The following LRP1 variants were observed in gnomAD, a reference collection of about 807,000 sequenced individuals.
The protein encoded by LRP1 is prolow-density lipoprotein receptor-related protein 1.
Under a neutral mutation model 541.5 loss-of-function variants are expected in LRP1, and 51 were observed. The observed-to-expected ratio is 0.09, with a 90% CI of 0.08 to 0.12. The LOEUF (loss-of-function observed/expected upper bound fraction) is 0.12. Ranked by LOEUF, LRP1 falls within the 10% of genes least tolerant of loss-of-function variation. The pLI, the probability that LRP1 is intolerant of heterozygous loss-of-function variation, is 1.00. For missense variants in LRP1, 3,878 were observed against 6,376.2 expected, an observed-to-expected ratio of 0.61 and a Z score of 13.34; for synonymous variants, 2,219 against 2,470.8, an observed-to-expected ratio of 0.90 and a Z score of 3.02.
In LRP1 at chr12:57,179,705, C is replaced by T. The variant is rs2036123054; in HGVS notation, c.4967-77C>T. ...GCCTGGTTTCCTGATCCCTTTTCTC[C>T]AGAAGGCACACTGGCTCCCCTCCTG... On this transcript the variant is annotated intron_variant, in intron 29 of 88. Coordinates refer to ENST00000243077, the MANE Select transcript of LRP1 (RefSeq NM_002332.3). This position sits in a 1 kb window ranked among gnomAD's most constrained non-coding sequence, Gnocchi z 6.8. The T allele has an allele frequency of 6.8e-7, 1 of 1,479,640 alleles. No individual in the cohort carries two copies. The highest frequency in any genetic ancestry group is 9.3e-7 in the Non-Finnish European group (1 of 1,072,540). The allele number at this position is 1,479,640 out of a possible 1,614,324, so 91.7% of individuals were successfully genotyped here. A position where few individuals can be genotyped will look rare whatever the true frequency, so the allele number is the denominator to read the frequency against.
chr12:57,172,553 C>T (rs901899782), intron 20 of LRP1, among the ~76,000 whole-genome samples: 3 of 152,148 alleles, frequency 2.0e-5, no homozygotes, highest in African/African-American at 7.2e-5. Flanking sequence ...TGGAGTGTGC[C>T]TCCAGGGATC....
Position 57,180,138 on chromosome 12 carries a change from G to C in LRP1, c.5233G>C (p.Val1745Leu). Reference sequence around the variant, plus strand: ...GCTCTTCAGTGGCCAGAAGGGCCCCGTGGGTACGAGCTTCCCTGCCCACCC... The same window carrying C: ...GCTCTTCAGTGGCCAGAAGGGCCCCCTGGGTACGAGCTTCCCTGCCCACCC... ...TLLFSGQKGP[V>L]GLAIDFPESK... Residue 1745 changes from valine to leucine, a missense_variant, in exon 31 of 89, where the codon GTG becomes CTG. Coordinates refer to ENST00000243077, the MANE Select transcript of LRP1 (RefSeq NM_002332.3). The C allele has an allele frequency of 6.2e-7, 1 of 1,613,506 alleles. No homozygotes were observed. Among genetic ancestry groups the C allele is most frequent in the South Asian group, 1.1e-5 (1 of 91,076 alleles).
At chr12:57,198,029 T>TAAAA in intron 58 of LRP1, 127 bp from the exon 59 acceptor site, 1 of 759,376 alleles carries the variant, frequency 1.3e-6, no homozygotes, top group South Asian at 1.8e-5. Flanking sequence ...ACTTCCATGG[T>TAAAA]TCTCCCACCA....
intron 41 of LRP1, among the ~76,000 whole-genome samples, chr12:57,186,122 C>T (rs2036266025): frequency 6.6e-6 from 1 of 152,200 alleles, no homozygotes; most frequent in African/African-American, 2.4e-5. Context: ...GTTCTGCCTT[C>T]AGAGCTGCAC....
intron 17 of LRP1, 130 bp from the exon 18 acceptor site, chr12:57,166,800 G>T: frequency 3.0e-6 from 2 of 665,194 alleles, no homozygotes. Flanking sequence ...AGATGGTTTT[G>T]AATTCTCTAA....
chr12:57,200,259 G>T, intron 62 of LRP1, 183 bp from the exon 63 acceptor site: 1 of 645,970 alleles, frequency 1.5e-6, no homozygotes, highest in Non-Finnish European at 2.8e-6. Flanking sequence ...CTTCAGTGCT[G>T]CCTTCCCCAC....
At chr12:57,160,098 C>A in intron 12 of LRP1, 93 bp downstream of exon 12, 1 of 1,315,990 alleles carries the variant, frequency 7.6e-7, no homozygotes, top group Non-Finnish European at 1.1e-6. Flanking sequence ...CAGGGGAAGG[C>A]AGGTGAGGCG....
rs368068775 is a variant in LRP1, at chr12:57,151,804, CGTGCGTAT to C, written c.842-2397_842-2390del. Among the ~76,000 whole-genome samples the C allele has an allele frequency of 8.5e-3, 1,292 of 152,222 alleles. 22 individuals carry two copies. The highest frequency in any genetic ancestry group is 0.029 in the African/African-American group (1,218 of 41,522). On this transcript the variant is annotated intron_variant, in intron 6 of 88. Coordinates refer to ENST00000243077, the MANE Select transcript of LRP1 (RefSeq NM_002332.3). ...TTGTGCGTGCATTTGTGTGTGCATA[CGTGCGTAT>C]GTGCGTGTGTGTGTGGTGGGGCAGG...
At chr12:57,208,982 G>A (rs939804089) in intron 78 of LRP1, 101 bp from the exon 79 acceptor site, 42 of 1,105,164 alleles carry the variant, frequency 3.8e-5, no homozygotes, top group East Asian at 3.1e-4. Context: ...TGTGAGTGGC[G>A]TATGAACAGG....
intron 34 of LRP1, among the ~76,000 whole-genome samples, chr12:57,182,808 T>A (rs920578260): frequency 6.6e-6 from 1 of 151,694 alleles, no homozygotes; most frequent in African/African-American, 2.4e-5. Flanking sequence ...AAGAGTGAAA[T>A]TCCGTCTCAA....
In LRP1 at chr12:57,128,525, A is replaced by C. The variant is rs2034961513; in HGVS notation, c.-440A>C. The C allele has an allele frequency of 9.2e-6, 2 of 217,194 alleles. No homozygotes were observed. Among genetic ancestry groups the C allele is most frequent in the East Asian group, 9.6e-5 (1 of 10,430 alleles). The allele number at this position is 217,194 out of a possible 1,614,324, so 13.5% of individuals were successfully genotyped here. A position where few individuals can be genotyped will look rare whatever the true frequency, so the allele number is the denominator to read the frequency against. On this transcript the variant is annotated 5_prime_UTR_variant, in exon 1 of 89. Coordinates refer to ENST00000243077, the MANE Select transcript of LRP1 (RefSeq NM_002332.3). ...AGCGGTGCGAGCTCCAGGCCCATGC[A>C]CTGAGGAGGCGGAAACAAGGGGAGC...
At chr12:57,157,831 C>T (rs1396119736) in intron 10 of LRP1, among the ~76,000 whole-genome samples, 1 of 152,184 alleles carries the variant, frequency 6.6e-6, no homozygotes, top group Non-Finnish European at 1.5e-5. Context: ...GCACGAAGGC[C>T]AGCGGGGCTG....
chr12:57,210,141 T>G lies in LRP1; in HGVS notation c.12552T>G (p.Pro4184=). ...GKRLDNGTCV[P]VPSPTPPPDA... is the part of the protein sequence containing the mutation. Reference sequence around the variant, plus strand: ...GGCTGGACAACGGCACATGCGTGCCTGTGCCCTCTCCAACGCCCCCCCCAG... The same window carrying G: ...GGCTGGACAACGGCACATGCGTGCCGGTGCCCTCTCCAACGCCCCCCCCAG... Residue 4184 remains proline, a synonymous_variant, in exon 81 of 89, where the codon CCT becomes CCG. Transcript: ENST00000243077. The G allele has an allele frequency of 6.2e-7, 1 of 1,609,430 alleles. No individual in the cohort carries two copies. The highest frequency in any genetic ancestry group is 1.1e-5 in the South Asian group (1 of 90,598).
intron 70 of LRP1, 50 bp downstream of exon 70, chr12:57,203,571 C>T (rs956154851): frequency 1.5e-5 from 22 of 1,455,126 alleles, no homozygotes; most frequent in African/African-American, 9.9e-5. Flanking sequence ...CTGCCCACCC[C>T]GCCACATGGC....
rs1324869498 is a variant in LRP1 at position 57,177,603 on chromosome 12, C to T, written c.4361+12C>T. 1.9e-6 allele frequency: 3 copies of T among 1,613,152 alleles called. No homozygotes were observed. The highest frequency in any genetic ancestry group is 1.1e-5 in the South Asian group (1 of 90,984). ...TGGATTGACGCCAGGTCAGCACCCTCTGTGCCCTGAGAAGGCCCAAGTCTG... is the reference window on the plus strand; with the variant it reads ...TGGATTGACGCCAGGTCAGCACCCTTTGTGCCCTGAGAAGGCCCAAGTCTG... On this transcript the variant is annotated intron_variant, in intron 26 of 88. Coordinates refer to ENST00000243077, the MANE Select transcript of LRP1 (RefSeq NM_002332.3). The surrounding 1 kb of genome is among the most constrained non-coding windows in gnomAD (Gnocchi z 6.8).
At position 57,183,269 on chromosome 12, in the gene LRP1, G is replaced by A. The variant is rs2036203402; in HGVS notation, c.5663-110G>A. 2 of 1,212,718 alleles carry A rather than the reference G, an allele frequency of 1.6e-6. No individual in the cohort carries two copies. The highest frequency in any genetic ancestry group is 2.4e-6 in the Non-Finnish European group (2 of 850,720). 75.1% of individuals were successfully genotyped at this position (1,212,718 alleles called of 1,614,324 possible). ...TGCTGGGTGGAGGATAGGGATGATGGTGGGGGGGGATGATATCAAAGGAGA... is the reference window on the plus strand; with the variant it reads ...TGCTGGGTGGAGGATAGGGATGATGATGGGGGGGGATGATATCAAAGGAGA... On this transcript the variant is annotated intron_variant, in intron 34 of 88. Coordinates refer to ENST00000243077, the MANE Select transcript of LRP1 (RefSeq NM_002332.3). This position sits in a 1 kb window ranked among gnomAD's most constrained non-coding sequence, Gnocchi z 6.1.
At chr12:57,193,104 C>G in intron 45 of LRP1, 72 bp from the exon 46 acceptor site, 2 of 1,596,834 alleles carry the variant, frequency 1.3e-6, no homozygotes, top group Non-Finnish European at 1.7e-6. Context: ...ACCTCAGCTC[C>G]CCGGGGGAGG....
At chr12:57,210,680 G>A (rs200661859) in intron 82 of LRP1, 38 bp from the exon 83 acceptor site, 60 of 1,585,670 alleles carry the variant, frequency 3.8e-5, no homozygotes, top group Middle Eastern at 1.7e-4. Flanking sequence ...AGGTGGTCTC[G>A]AGGGCCACAG....
intron 1 of LRP1, among the ~76,000 whole-genome samples, chr12:57,134,731 A>G (rs1022738627): frequency 2.0e-5 from 3 of 150,764 alleles, no homozygotes; most frequent in Non-Finnish European, 4.4e-5. Flanking sequence ...TTGAGATGGA[A>G]TCTCGCTCTG....
Sources: allele counts gnomAD v4.1 joint callset (sites outside exome capture counted in the v4.1 genomes callset), GRCh38; gene constraint gnomAD v4.1.1; non-coding constraint Gnocchi (gnomAD v3.1); transcripts MANE v1.5; gene names NCBI Gene and HGNC (gene_info 2026-07-23, HGNC 2026-07-21).